FER: variants seen among roughly 807,000 people sequenced by gnomAD.
FER encodes tyrosine-protein kinase Fer.
In FER, 63 loss-of-function variants were observed where a neutral mutation model predicts 111.0. The observed-to-expected ratio is 0.57, with a 90% CI of 0.46 to 0.70. The LOEUF (loss-of-function observed/expected upper bound fraction) is 0.70, where lower values mean the gene tolerates loss of function less well. Ranked by LOEUF, FER falls within the 30% of genes least tolerant of loss-of-function variation. The pLI is 0.00. For synonymous variants in FER, 327 were observed against 313.9 expected, an observed-to-expected ratio of 1.04 and a Z score of -0.44; for missense variants, 914 against 954.0, an observed-to-expected ratio of 0.96 and a Z score of 0.55.
At chr5:109,043,272 C>A (rs1275625545) in intron 14 of FER, among the ~76,000 whole-genome samples, 1 of 152,156 alleles carries the variant, frequency 6.6e-6, no homozygotes, top group Non-Finnish European at 1.5e-5. Context: ...TTAATATCTT[C>A]TCTCAGCTCT....
chr5:108,909,568 T>C (rs957913167), intron 10 of FER, among the ~76,000 whole-genome samples: 1 of 152,158 alleles, frequency 6.6e-6, no homozygotes, highest in African/African-American at 2.4e-5. Flanking sequence ...CTATATGGTA[T>C]ATGTTGTCAG....
At position 109,183,198 on chromosome 5, in the gene FER, T is replaced by TGC. The variant is rs1758461459; in HGVS notation, c.2203+2297_2203+2298insGC. 2.6e-5 allele frequency among the ~76,000 whole-genome samples: 4 copies of TGC among 152,050 alleles called. No individual in the cohort carries two copies. In the South Asian group the frequency reaches 8.3e-4, roughly 32 times the overall value. Reference sequence around the variant, plus strand: ...CCTTCTCCTAGCAACCCAGAGAAGTTTAGTTCCCACAGACTACAGTTACTG... The same window carrying TGC: ...CCTTCTCCTAGCAACCCAGAGAAGTTGCTAGTTCCCACAGACTACAGTTACTG... On this transcript the variant is annotated intron_variant, in intron 18 of 19. Transcript: ENST00000281092.
intron 13 of FER, among the ~76,000 whole-genome samples, chr5:108,988,428 G>C (rs1041190156): frequency 6.6e-6 from 1 of 151,990 alleles, no homozygotes; most frequent in Non-Finnish European, 1.5e-5. Context: ...GGACTTTTTT[G>C]TTGGCAAGTT....
chr5:109,023,231 G>C (rs185938642), intron 13 of FER, among the ~76,000 whole-genome samples: 1 of 152,216 alleles, frequency 6.6e-6, no homozygotes. Flanking sequence ...GAATGAGGCA[G>C]GGAAAATAAT....
chr5:109,075,286 TC>T (rs1776193872), intron 16 of FER, among the ~76,000 whole-genome samples: 1 of 152,208 alleles, frequency 6.6e-6, no homozygotes, highest in Admixed American at 6.5e-5. Context: ...TCTGTTGTTA[TC>T]TAAGCATGGT....
intron 5 of FER, chr5:108,842,985 G>A (rs998597113): frequency 5.9e-5 from 9 of 152,148 alleles, no homozygotes; most frequent in Admixed American, 2.6e-4. Flanking sequence ...TTGCAAAATC[G>A]TGGAACCAAC....
At chr5:109,067,627 T>G (rs919196400) in intron 16 of FER, among the ~76,000 whole-genome samples, 2 of 152,194 alleles carry the variant, frequency 1.3e-5, no homozygotes, top group African/African-American at 4.8e-5. Flanking sequence ...CTGTTCCTCC[T>G]TGATAATTAG....
At chr5:109,112,215 T>C (rs1220291567) in intron 17 of FER, among the ~76,000 whole-genome samples, 2 of 152,112 alleles carry the variant, frequency 1.3e-5, no homozygotes, top group Non-Finnish European at 2.9e-5. Flanking sequence ...GTTCAAATTA[T>C]AGTAGTATTA....
At chr5:109,160,411 T>C (rs1480087657) in intron 17 of FER, among the ~76,000 whole-genome samples, 1 of 152,184 alleles carries the variant, frequency 6.6e-6, no homozygotes, top group African/African-American at 2.4e-5. Flanking sequence ...TAACTTTTCT[T>C]GAAGAAATAT....
chr5:108,892,072 A>G (rs1190525570), intron 9 of FER, among the ~76,000 whole-genome samples: 1 of 151,990 alleles, frequency 6.6e-6, no homozygotes, highest in Non-Finnish European at 1.5e-5. Context: ...TCATTGTTGG[A>G]CATTTGGGTT....
At chr5:109,187,257 T>C (rs1758981770) in intron 19 of FER, among the ~76,000 whole-genome samples, 176 bp from the exon 20 acceptor site, 1 of 152,208 alleles carries the variant, frequency 6.6e-6, no homozygotes, top group Non-Finnish European at 1.5e-5. Context: ...CTCTGTAATA[T>C]TGAATTCTGC....
chr5:108,770,989 T>A (rs1437533951), intron 2 of FER, among the ~76,000 whole-genome samples: 3 of 151,862 alleles, frequency 2.0e-5, no homozygotes, highest in Non-Finnish European at 2.9e-5. Context: ...CAGGCTGGAG[T>A]GCAGTGGTGT....
chr5:108,848,046 C>T (rs1762191006), intron 5 of FER, among the ~76,000 whole-genome samples: 1 of 152,022 alleles, frequency 6.6e-6, no homozygotes, highest in South Asian at 2.1e-4. Context: ...TGTTGCCATG[C>T]CCAGCTAACT....
At chr5:109,119,835 C>T (rs564552113) in intron 17 of FER, among the ~76,000 whole-genome samples, 2 of 152,038 alleles carry the variant, frequency 1.3e-5, no homozygotes, top group African/African-American at 4.8e-5. Context: ...AAAATGACAT[C>T]TCATTTTAGC....
intron 13 of FER, among the ~76,000 whole-genome samples, chr5:109,019,762 A>G (rs954509930): frequency 6.6e-6 from 1 of 151,798 alleles, no homozygotes; most frequent in African/African-American, 2.4e-5. Context: ...CCCAGGGAAG[A>G]AGTGAGTTAC....
intron 16 of FER, among the ~76,000 whole-genome samples, chr5:109,080,485 A>G (rs1296971705): frequency 6.6e-6 from 1 of 152,134 alleles, no homozygotes; most frequent in African/African-American, 2.4e-5. Flanking sequence ...TGCATTACCC[A>G]TTTTGATTTT....
chr5:109,143,308 A>C (rs1753719966), intron 17 of FER, among the ~76,000 whole-genome samples: 1 of 152,160 alleles, frequency 6.6e-6, no homozygotes, highest in South Asian at 2.1e-4. Context: ...CTCTAGACAC[A>C]TAAATTTACT....
Position 109,180,654 on chromosome 5 carries a change from C to G in FER, c.2049-93C>G, listed in dbSNP as rs540856774. 2.9e-4 allele frequency: 392 copies of G among 1,369,128 alleles called. 1 individual carries two copies. The highest frequency in any genetic ancestry group is 3.6e-4 in the Non-Finnish European group (365 of 1,001,372). The allele number at this position is 1,369,128 out of a possible 1,614,324, so 84.8% of individuals were successfully genotyped here. A position where few individuals can be genotyped will look rare whatever the true frequency, so the allele number is the denominator to read the frequency against. ...TCTTAACCTCATTATAAATACATTGCAAATGTAAAAATGCAAAGTGTGGAA... is the reference window on the plus strand; with the variant it reads ...TCTTAACCTCATTATAAATACATTGGAAATGTAAAAATGCAAAGTGTGGAA... On this transcript the variant is annotated intron_variant, in intron 17 of 19. Coordinates refer to ENST00000281092, the MANE Select transcript of FER (RefSeq NM_005246.4).
chr5:109,085,425 A>C (rs1777454838), intron 16 of FER, among the ~76,000 whole-genome samples: 1 of 149,912 alleles, frequency 6.7e-6, no homozygotes. Context: ...TGTGACCTTC[A>C]TAAATTCACT....
Sources: gnomAD v4.1 joint callset for allele counts (sites outside exome capture counted in the v4.1 genomes callset) on GRCh38, gnomAD v4.1.1 for gene constraint, MANE v1.5 for transcripts, NCBI Gene and HGNC (gene_info 2026-07-23, HGNC 2026-07-21) for gene names.